DMD: variants seen among roughly 807,000 people sequenced by gnomAD.
DMD encodes the protein mutant dystrophin.
DMD carries 63 observed loss-of-function variants against 330.1 expected under a neutral mutation model. The observed-to-expected ratio is 0.19, with a 90% CI of 0.16 to 0.24. The LOEUF (loss-of-function observed/expected upper bound fraction) is 0.24. Ranked by LOEUF, DMD falls within the 10% of genes least tolerant of loss-of-function variation. The pLI is 1.00. For synonymous variants in DMD, 1,223 were observed against 959.8 expected (o/e 1.27, Z -5.07); for missense variants, 3,344 against 2,684.1 (o/e 1.25, Z -5.43).
chrX:32,279,459 G>A (rs977184817), intron 43 of DMD, among the ~76,000 whole-genome samples: 4 of 111,465 alleles, frequency 3.6e-5, no homozygotes, highest in African/African-American at 6.5e-5. Context: ...ATACATATAC[G>A]TAATAGAGTA....
intron 53 of DMD, among the ~76,000 whole-genome samples, chrX:31,672,956 C>T (rs186898123): frequency 2.7e-5 from 3 of 112,254 alleles, no homozygotes; most frequent in African/African-American, 9.7e-5. Flanking sequence ...TGGTTTGGAC[C>T]AACACCCTGG....
chrX:33,325,869 G>A (rs960709293), intron 1 of DMD, among the ~76,000 whole-genome samples: 4 of 111,349 alleles, frequency 3.6e-5, no homozygotes, highest in Admixed American at 9.6e-5. Context: ...AAACGAAACT[G>A]TCAATTTACT....
rs745396798 is a variant in DMD, at chrX:32,191,458, C to T, written c.6438+25458G>A. Among the ~76,000 whole-genome samples, 4 of 111,798 alleles carry T rather than the reference C, an allele frequency of 3.6e-5. No homozygotes were observed. In the South Asian group the frequency reaches 1.1e-3, roughly 31 times the overall value. On this transcript the variant is annotated intron_variant, in intron 44 of 78. Transcript: ENST00000357033. The stretch of plus-strand genomic sequence containing the variant: ...GTTTATTCATTACATGAAGGAACAG[C>T]GAGAATAAGGGGATAATGGTTCCCT...
chrX:32,945,172 T>C (rs2090716107), intron 2 of DMD, among the ~76,000 whole-genome samples: 1 of 110,779 alleles, frequency 9.0e-6, no homozygotes, highest in African/African-American at 3.3e-5. Flanking sequence ...TGGATGCAAA[T>C]ATTCTGTTAT....
chrX:31,189,345 C>T (rs12843562), intron 67 of DMD, among the ~76,000 whole-genome samples: 1 of 111,069 alleles, frequency 9.0e-6, no homozygotes, highest in Non-Finnish European at 1.9e-5. Context: ...CCCACTCCCA[C>T]GGGGATTTTG....
chrX:32,010,118 T>C (rs2095694876), intron 44 of DMD, among the ~76,000 whole-genome samples: 1 of 111,853 alleles, frequency 8.9e-6, no homozygotes, highest in Admixed American at 9.5e-5. Flanking sequence ...TAGAACTGCG[T>C]TTGGCACAGA....
intron 44 of DMD, among the ~76,000 whole-genome samples, chrX:32,054,909 C>A (rs2096156385): frequency 9.7e-6 from 1 of 103,252 alleles, no homozygotes; most frequent in Non-Finnish European, 2.0e-5. Context: ...AGAGAGAGAT[C>A]AAAGGACAAA....
chrX:31,201,672 C>G (rs918943644), intron 67 of DMD, among the ~76,000 whole-genome samples: 5 of 111,814 alleles, frequency 4.5e-5, no homozygotes, highest in Admixed American at 9.5e-5. Flanking sequence ...ACAACCAAAT[C>G]CAAGAGGGCC....
intron 44 of DMD, among the ~76,000 whole-genome samples, chrX:32,178,155 C>T (rs759544326): frequency 9.5e-6 from 1 of 105,214 alleles, no homozygotes; most frequent in Non-Finnish European, 1.9e-5. Flanking sequence ...AGAAACCTAC[C>T]TTATGGCCAG....
Position 32,541,824 on chromosome X carries a change from A to T in DMD, c.2168+3335T>A, listed in dbSNP as rs755524498. On this transcript the variant is annotated intron_variant, in intron 17 of 78. Coordinates refer to ENST00000357033, the MANE Select transcript of DMD (RefSeq NM_004006.3). ...AAACTAAAAGTTGGGAAAAAAAAAA[A>T]GGGCAGCATTCAAACCTCAGTAATT... is the stretch of plus-strand genomic sequence containing the variant. Among the ~76,000 whole-genome samples, 44 of 106,262 alleles carry T rather than the reference A, an allele frequency of 4.1e-4. No individual in the cohort carries two copies. In the Admixed American group the frequency reaches 4.5e-3, roughly 11 times the overall value. The allele number at this position is 106,262 out of a possible 115,157, so 92.3% of individuals were successfully genotyped here. A position where few individuals can be genotyped will look rare whatever the true frequency, so the allele number is the denominator to read the frequency against.
In DMD at chrX:33,042,179, TA is replaced by T. The variant is rs79480331; in HGVS notation, c.32-21980del. On this transcript the variant is annotated intron_variant, in intron 1 of 78. Transcript: ENST00000357033. ...ATTGTAACAACCTCTGCTATATGAC[TA>T]AACACTGAGCCATGAGGTGGGCTGC... Among the ~76,000 whole-genome samples, 13 of 112,024 alleles carry T rather than the reference TA, an allele frequency of 1.2e-4. No individual in the cohort carries two copies. The East Asian group carries it at 3.4e-3, about 29-fold the overall frequency.
At chrX:32,133,675 T>A (rs1476544859) in intron 44 of DMD, among the ~76,000 whole-genome samples, 1 of 111,501 alleles carries the variant, frequency 9.0e-6, no homozygotes, top group Non-Finnish European at 1.9e-5. Context: ...CATTCATGAC[T>A]CCATTTTTCT....
intron 13 of DMD, among the ~76,000 whole-genome samples, chrX:32,575,674 T>C (rs2052960835): frequency 8.9e-6 from 1 of 111,876 alleles, no homozygotes; most frequent in African/African-American, 3.3e-5. Flanking sequence ...AACAAAATGG[T>C]TAATAGATTA....
At position 31,836,807 on chromosome X, in the gene DMD, C is replaced by T; in HGVS notation, c.7111G>A (p.Ala2371Thr). Residue 2371 changes from alanine to threonine, a missense_variant, in exon 49 of 79, where the codon GCA becomes ACA. By Grantham distance (58) the Ala-to-Thr change is moderately conservative. Transcript: ENST00000357033. ...GPFDVKETEI[A>T]VQAKQPDVEE... ...ACATCCGGTTGTTTAGCTTGAACTGCTATTTCAGTTTCCTGGGGAAAAGAA... is the reference window on the plus strand; with the variant it reads ...ACATCCGGTTGTTTAGCTTGAACTGTTATTTCAGTTTCCTGGGGAAAAGAA... 1 of 1,209,105 alleles carries T rather than the reference C, an allele frequency of 8.3e-7. No individual in the cohort carries two copies. Among genetic ancestry groups the T allele is most frequent in the Non-Finnish European group, 1.1e-6 (1 of 893,208 alleles).
intron 9 of DMD, among the ~76,000 whole-genome samples, chrX:32,648,200 G>T (rs2059905434): frequency 8.9e-6 from 1 of 111,951 alleles, no homozygotes; most frequent in Non-Finnish European, 1.9e-5. Flanking sequence ...TAAATATTTT[G>T]TCTGAGGATG....
intron 43 of DMD, among the ~76,000 whole-genome samples, chrX:32,255,905 G>A (rs6631526): frequency 0.21 from 23,697 of 111,093 alleles, 2,064 homozygotes; most frequent in East Asian, 0.41. Flanking sequence ...CATCAAGTGA[G>A]AGACTTGAGT....
chrX:31,440,520 G>C (rs2064865371), intron 60 of DMD, among the ~76,000 whole-genome samples: 1 of 112,229 alleles, frequency 8.9e-6, no homozygotes, highest in Non-Finnish European at 1.9e-5. Context: ...GGGAATAGCA[G>C]TTCGAAAAAC....
At chrX:31,570,223 T>G (rs953505000) in intron 55 of DMD, among the ~76,000 whole-genome samples, 1 of 111,588 alleles carries the variant, frequency 9.0e-6, no homozygotes, top group African/African-American at 3.3e-5. Context: ...AAGATTTGAC[T>G]GAAGTATTTT....
intron 1 of DMD, among the ~76,000 whole-genome samples, chrX:33,049,431 G>A (rs1181060760): frequency 1.8e-5 from 2 of 111,317 alleles, no homozygotes; most frequent in Non-Finnish European, 3.8e-5. Flanking sequence ...AGTATTAATG[G>A]CAGAAATGCT....
Sources: allele counts gnomAD v4.1 joint callset (sites outside exome capture counted in the v4.1 genomes callset), GRCh38; gene constraint gnomAD v4.1.1; transcripts MANE v1.5; gene names NCBI Gene and HGNC (gene_info 2026-07-23, HGNC 2026-07-21).